Variants in LRP1B observed in about 807,000 individuals in gnomAD.
LRP1B encodes the protein low-density lipoprotein receptor-related protein 1B.
Under a neutral mutation model 556.6 loss-of-function variants are expected in LRP1B, and 217 were observed. That is an observed-to-expected ratio of 0.39 (90% CI 0.35 to 0.44). LRP1B has a LOEUF of 0.44. Among genes scored for constraint, LRP1B ranks in the 20% least tolerant of loss-of-function variants. The pLI, the probability that LRP1B is intolerant of heterozygous loss-of-function variation, is 1.00. For missense variants in LRP1B, 5,053 were observed against 5,620.8 expected, an observed-to-expected ratio of 0.90 and a Z score of 3.23; for synonymous variants, 2,047 against 1,865.8, an observed-to-expected ratio of 1.10 and a Z score of -2.50.
chr2:140,658,676 T>C (rs12992011), intron 41 of LRP1B, among the ~76,000 whole-genome samples: 10,893 of 151,698 alleles, frequency 0.072, 480 homozygotes, highest in East Asian at 0.18. Context: ...TTTAACGCAA[T>C]ATGTCTACAT....
chr2:141,235,135 A>G (rs535088869), intron 5 of LRP1B, among the ~76,000 whole-genome samples: 2 of 152,242 alleles, frequency 1.3e-5, no homozygotes, highest in South Asian at 2.1e-4. Context: ...GGCATTAAAA[A>G]CTGTATTGGA....
intron 3 of LRP1B, among the ~76,000 whole-genome samples, chr2:141,364,708 T>TAGCA (rs1429133465): frequency 6.6e-6 from 1 of 152,214 alleles, no homozygotes; most frequent in African/African-American, 2.4e-5. Flanking sequence ...TATTTCCAGA[T>TAGCA]AGCACCTTTT....
At chr2:141,087,634 A>C (rs1391814080) in intron 7 of LRP1B, among the ~76,000 whole-genome samples, 1 of 152,160 alleles carries the variant, frequency 6.6e-6, no homozygotes, top group African/African-American at 2.4e-5. Flanking sequence ...TCAAACAAAC[A>C]ATTAGTACTC....
At chr2:141,582,884 A>C (rs1359042469) in intron 2 of LRP1B, among the ~76,000 whole-genome samples, 1 of 119,480 alleles carries the variant, frequency 8.4e-6, no homozygotes, top group Non-Finnish European at 1.6e-5. Flanking sequence ...CACCCAGGCT[A>C]GAGTGCAGTG....
At chr2:142,094,577 A>G (rs983869451) in intron 1 of LRP1B, among the ~76,000 whole-genome samples, 4 of 152,012 alleles carry the variant, frequency 2.6e-5, no homozygotes, top group African/African-American at 9.7e-5. Flanking sequence ...ATTTTAGGGT[A>G]TAATATTATT....
chr2:140,522,637 T>G (rs1156316374), intron 49 of LRP1B, among the ~76,000 whole-genome samples: 1 of 150,532 alleles, frequency 6.6e-6, no homozygotes, highest in Non-Finnish European at 1.5e-5. Flanking sequence ...GCTGGTTCTT[T>G]TAAAGGTTAG....
chr2:140,901,386 T>C (rs987066549), intron 23 of LRP1B, among the ~76,000 whole-genome samples: 1 of 152,200 alleles, frequency 6.6e-6, no homozygotes, highest in African/African-American at 2.4e-5. Context: ...CTCTAACAAA[T>C]CTGCCTTTCA....
chr2:140,434,114 G>C (rs563740450), intron 66 of LRP1B, among the ~76,000 whole-genome samples: 50 of 151,824 alleles, frequency 3.3e-4, no homozygotes, highest in African/African-American at 1.2e-3. Flanking sequence ...CTGTCACCCA[G>C]GCTGGAGTGT....
chr2:141,311,522 G>T (rs1192760582), intron 3 of LRP1B, among the ~76,000 whole-genome samples: 8 of 152,072 alleles, frequency 5.3e-5, no homozygotes, highest in Admixed American at 4.6e-4. Flanking sequence ...TTCACATACT[G>T]GAAACTTAAT....
At chr2:140,851,552 A>G (rs1692455480) in intron 28 of LRP1B, 100 bp downstream of exon 28, 1 of 1,388,036 alleles carries the variant, frequency 7.2e-7, no homozygotes, top group East Asian at 2.4e-5. Context: ...ACAGAAAAAA[A>G]AACTTCCTCT....
intron 7 of LRP1B, among the ~76,000 whole-genome samples, chr2:141,140,368 A>T (rs1219164543): frequency 6.6e-6 from 1 of 152,182 alleles, no homozygotes; most frequent in Non-Finnish European, 1.5e-5. Flanking sequence ...TCTATTAATA[A>T]GGTTCTTAAA....
intron 2 of LRP1B, among the ~76,000 whole-genome samples, chr2:141,753,530 C>T (rs1213662271): frequency 6.6e-6 from 1 of 151,806 alleles, no homozygotes; most frequent in Non-Finnish European, 1.5e-5. Flanking sequence ...CAGCTGACTT[C>T]CTTCTCACTG....
chr2:141,903,006 T>G (rs550662570), intron 1 of LRP1B, among the ~76,000 whole-genome samples: 2 of 152,048 alleles, frequency 1.3e-5, no homozygotes, highest in East Asian at 3.9e-4. Flanking sequence ...GGCTGTGCCT[T>G]TCCTTCTTGC....
At chr2:140,389,239 A>T (rs1683903094) in intron 66 of LRP1B, among the ~76,000 whole-genome samples, 1 of 152,066 alleles carries the variant, frequency 6.6e-6, no homozygotes, top group Non-Finnish European at 1.5e-5. Flanking sequence ...TAGGAGAATT[A>T]TATGTAGTAT....
At chr2:141,204,637 A>G (rs2105234109) in intron 6 of LRP1B, among the ~76,000 whole-genome samples, 1 of 152,322 alleles carries the variant, frequency 6.6e-6, no homozygotes, top group East Asian at 1.9e-4. Context: ...ATACATAATA[A>G]TTGCCAACAG....
At chr2:141,326,668 T>C (rs1330886365) in intron 3 of LRP1B, among the ~76,000 whole-genome samples, 2 of 152,114 alleles carry the variant, frequency 1.3e-5, no homozygotes, top group Non-Finnish European at 2.9e-5. Context: ...TCTCATGTAG[T>C]AGATGAAGGC....
intron 45 of LRP1B, among the ~76,000 whole-genome samples, chr2:140,539,153 CA>C (rs1384921053): frequency 1.3e-5 from 2 of 152,080 alleles, no homozygotes; most frequent in Non-Finnish European, 2.9e-5. Context: ...TTCTTGTCAA[CA>C]GTTATGACAA....
intron 7 of LRP1B, among the ~76,000 whole-genome samples, chr2:141,162,565 G>A (rs1416211904): frequency 6.6e-6 from 1 of 151,960 alleles, no homozygotes; most frequent in East Asian, 1.9e-4. Flanking sequence ...CTTCTTCCAA[G>A]ATCTAGGAAA....
intron 3 of LRP1B, among the ~76,000 whole-genome samples, chr2:141,390,797 A>G (rs1454397844): frequency 2.0e-5 from 3 of 152,242 alleles, no homozygotes; most frequent in African/African-American, 7.2e-5. Flanking sequence ...ATGAAGAACA[A>G]GTGCGCAATG....
Sources: allele counts gnomAD v4.1 joint callset (sites outside exome capture counted in the v4.1 genomes callset), GRCh38; gene constraint gnomAD v4.1.1; transcripts MANE v1.5; gene names NCBI Gene and HGNC (gene_info 2026-07-23, HGNC 2026-07-21).